Variants in CFAP61 observed in about 807,000 individuals in gnomAD.
The protein encoded by CFAP61 is cilia- and flagella-associated protein 61.
A neutral mutation model predicts 135.6 loss-of-function variants in CFAP61; 107 were observed. The ratio of observed to expected loss-of-function variants is 0.79; its 90% CI spans 0.67 to 0.93. The LOEUF (loss-of-function observed/expected upper bound fraction) is 0.93, where lower values mean the gene tolerates loss of function less well. Ranked by LOEUF, CFAP61 falls within the 40% of genes least tolerant of loss-of-function variation. The pLI is 0.00. For synonymous variants in CFAP61, 575 were observed against 578.5 expected, an observed-to-expected ratio of 0.99 and a Z score of 0.09; for missense variants, 1,507 against 1,556.2, an observed-to-expected ratio of 0.97 and a Z score of 0.53.
At chr20:20,176,410 C>CA (rs139868279) in intron 13 of CFAP61, among the ~76,000 whole-genome samples, 137,339 of 152,146 alleles carry the variant, frequency 0.9, 62,814 homozygotes, top group Middle Eastern at 0.99. Flanking sequence ...ATGTTCATTG[C>CA]GCACCGTTCA....
chr20:20,246,039 A>G, intron 18 of CFAP61, 78 bp from the exon 19 acceptor site: 1 of 880,706 alleles, frequency 1.1e-6, no homozygotes, highest in Non-Finnish European at 1.8e-6. Flanking sequence ...ACGTGATATA[A>G]AGTTAAATTG....
In CFAP61 at chr20:20,136,077, G is replaced by A. The variant is rs2050897660; in HGVS notation, c.860-6780G>A. Reference sequence around the variant, plus strand: ...ATGCCACTCTTTCCTGGCCTGCAAGGTATCCACTGAAAAGTCTGCTGCCAG... The same window carrying A: ...ATGCCACTCTTTCCTGGCCTGCAAGATATCCACTGAAAAGTCTGCTGCCAG... On this transcript the variant is annotated intron_variant, in intron 8 of 26. Transcript: ENST00000245957. Among the ~76,000 whole-genome samples, 3 of 152,112 alleles carry A rather than the reference G, an allele frequency of 2.0e-5. No individual in the cohort carries two copies. The South Asian group carries it at 6.2e-4, about 32-fold the overall frequency.
chr20:20,139,643 G>C (rs747908283), intron 8 of CFAP61, among the ~76,000 whole-genome samples: 1 of 152,150 alleles, frequency 6.6e-6, no homozygotes, highest in African/African-American at 2.4e-5. Flanking sequence ...TGGAGAGAGA[G>C]ATCCAGCTTC....
At chr20:20,099,472 C>T (rs1304365991) in intron 8 of CFAP61, among the ~76,000 whole-genome samples, 1 of 152,094 alleles carries the variant, frequency 6.6e-6, no homozygotes, top group Non-Finnish European at 1.5e-5. Flanking sequence ...TGGGTTCTTA[C>T]AGAAGACAGA....
chr20:20,304,509 T>A (rs1012203094), intron 25 of CFAP61, among the ~76,000 whole-genome samples: 2 of 151,528 alleles, frequency 1.3e-5, no homozygotes, highest in African/African-American at 4.9e-5. Flanking sequence ...CATGCACACC[T>A]CACTCACACG....
chr20:20,322,942 G>A (rs1170215479), intron 25 of CFAP61: 2 of 985,332 alleles, frequency 2.0e-6, no homozygotes, highest in Non-Finnish European at 2.4e-6. Flanking sequence ...TAGACTGTGA[G>A]TGGTTTCCAG....
chr20:20,324,481 A>G (rs1324289850), intron 25 of CFAP61, among the ~76,000 whole-genome samples: 2 of 152,192 alleles, frequency 1.3e-5, no homozygotes, highest in East Asian at 3.8e-4. Context: ...TTCATGGAAT[A>G]GCTAAATCCC....
chr20:20,213,844 G>A lies in CFAP61; in HGVS notation c.1932+13942G>A, dbSNP rs28396815. 9.1e-3 allele frequency among the ~76,000 whole-genome samples: 1,380 copies of A among 151,936 alleles called. 22 individuals carry two copies. Among genetic ancestry groups the A allele is most frequent in the African/African-American group, 0.031 (1,299 of 41,418 alleles). ...ATAGCTTTTTGTTTCTCTCCCCTTC[G>A]TTGTTAACTGTTTTTTCACACCCTT... On this transcript the variant is annotated intron_variant, in intron 17 of 26. Transcript: ENST00000245957.
intron 22 of CFAP61, among the ~76,000 whole-genome samples, chr20:20,284,630 A>G (rs1046517259): frequency 6.6e-6 from 1 of 152,180 alleles, no homozygotes; most frequent in South Asian, 2.1e-4. Flanking sequence ...TAATTGCTCT[A>G]TGGATTATAA....
At chr20:20,180,879 A>G (rs1370289444) in intron 13 of CFAP61, among the ~76,000 whole-genome samples, 1 of 152,200 alleles carries the variant, frequency 6.6e-6, no homozygotes, top group South Asian at 2.1e-4. Context: ...GCTGGAGGCC[A>G]TTATCCTTAG....
At chr20:20,252,057 T>C (rs2146985978) in intron 20 of CFAP61, among the ~76,000 whole-genome samples, 1 of 152,320 alleles carries the variant, frequency 6.6e-6, no homozygotes, top group East Asian at 1.9e-4. Context: ...CACATACTGC[T>C]CGCCCTAGCA....
chr20:20,260,101 G>T (rs1471310255), intron 20 of CFAP61, among the ~76,000 whole-genome samples: 2 of 152,182 alleles, frequency 1.3e-5, no homozygotes, highest in Non-Finnish European at 2.9e-5. Flanking sequence ...GAATGTATGG[G>T]TGTAAGAAAC....
intron 17 of CFAP61, among the ~76,000 whole-genome samples, chr20:20,208,781 A>T (rs546992125): frequency 6.6e-6 from 1 of 152,348 alleles, no homozygotes; most frequent in South Asian, 2.1e-4. Context: ...TCTGTGGGTC[A>T]GCAGGTTCTG....
intron 8 of CFAP61, among the ~76,000 whole-genome samples, chr20:20,121,178 C>T (rs749359978): frequency 1.4e-5 from 2 of 147,724 alleles, no homozygotes; most frequent in South Asian, 2.1e-4. Flanking sequence ...ACCATCTCGG[C>T]TCAGTGTAGC....
chr20:20,296,623 A>AT (rs961876886), intron 24 of CFAP61, among the ~76,000 whole-genome samples: 3 of 152,032 alleles, frequency 2.0e-5, no homozygotes, highest in African/African-American at 4.8e-5. Context: ...AGTAATGATC[A>AT]TTTTTTAAAA....
chr20:20,164,217 A>G lies in CFAP61; in HGVS notation c.1194A>G (p.Lys398=), dbSNP rs143411869. 6.2e-7 allele frequency: 1 copy of G among 1,613,288 alleles called. No homozygotes were observed. The highest frequency in any genetic ancestry group is 1.7e-5 in the Admixed American group (1 of 59,948). Residue 398 remains lysine (K), a synonymous_variant, in exon 11 of 27, where the codon AAA becomes AAG. Transcript: ENST00000245957. The part of the protein sequence containing the change: ...FCIQLFCIDE[K]YEARSLDFMN... Reference sequence around the variant, plus strand: ...TTCAGCTGTTTTGTATTGATGAGAAATATGAAGCAAGGCAAGTACTGACCT... The same window carrying G: ...TTCAGCTGTTTTGTATTGATGAGAAGTATGAAGCAAGGCAAGTACTGACCT...
chr20:20,157,716 A>G (rs1014008730), intron 9 of CFAP61, among the ~76,000 whole-genome samples: 1 of 152,198 alleles, frequency 6.6e-6, no homozygotes, highest in East Asian at 1.9e-4. Flanking sequence ...GTTAGGTAAG[A>G]TTTCTTAGAA....
intron 20 of CFAP61, among the ~76,000 whole-genome samples, chr20:20,260,853 T>G (rs1418003741): frequency 6.6e-6 from 1 of 152,248 alleles, no homozygotes; most frequent in Non-Finnish European, 1.5e-5. Flanking sequence ...TTTTATTTTC[T>G]TTTATGCTAC....
At chr20:20,210,919 G>A (rs1391832997) in intron 17 of CFAP61, among the ~76,000 whole-genome samples, 1 of 152,152 alleles carries the variant, frequency 6.6e-6, no homozygotes, top group East Asian at 1.9e-4. Context: ...GAAGCCAGGA[G>A]TTTGAGACCA....
Sources: allele counts gnomAD v4.1 joint callset (sites outside exome capture counted in the v4.1 genomes callset), GRCh38; gene constraint gnomAD v4.1.1; transcripts MANE v1.5; gene names NCBI Gene and HGNC (gene_info 2026-07-23, HGNC 2026-07-21).